OPHN1: variants seen among roughly 807,000 people sequenced by gnomAD.
The protein encoded by OPHN1 is oligophrenin 1, also known as oligophrenin-1.
In OPHN1, 11 loss-of-function variants were observed where a neutral mutation model predicts 60.7. The ratio of observed to expected loss-of-function variants is 0.18; its 90% CI spans 0.11 to 0.30. OPHN1 has a LOEUF of 0.30. Ranked by LOEUF, OPHN1 falls within the 10% of genes least tolerant of loss-of-function variation. The pLI is 1.00. For missense variants in OPHN1, 449 were observed against 611.0 expected (o/e 0.73, Z 2.80); for synonymous variants, 226 against 222.6 (o/e 1.02, Z -0.14).
At chrX:68,306,664 C>T (rs779345117) in intron 2 of OPHN1, among the ~76,000 whole-genome samples, 28 of 112,096 alleles carry the variant, frequency 2.5e-4, no homozygotes, top group Non-Finnish European at 5.3e-4. Context: ...TTTTTAATTT[C>T]TAAAGGTCTA....
intron 2 of OPHN1, among the ~76,000 whole-genome samples, chrX:68,355,129 A>G (rs1415973339): frequency 8.9e-6 from 1 of 112,283 alleles, no homozygotes; most frequent in Non-Finnish European, 1.9e-5. Context: ...CAAGAGTTTT[A>G]CATTTTACAT....
chrX:68,291,921 G>A (rs1397174755), intron 3 of OPHN1, among the ~76,000 whole-genome samples: 3 of 110,911 alleles, frequency 2.7e-5, no homozygotes, highest in Admixed American at 1.9e-4. Flanking sequence ...TTGTTTTATC[G>A]TCTGAGTTGC....
chrX:68,263,460 A>G (rs1018970510), intron 5 of OPHN1, among the ~76,000 whole-genome samples: 1 of 111,952 alleles, frequency 8.9e-6, no homozygotes, highest in Non-Finnish European at 1.9e-5. Context: ...TTCATGGAGC[A>G]CTTTCTATCC....
intron 5 of OPHN1, among the ~76,000 whole-genome samples, chrX:68,234,911 T>A (rs1003125347): frequency 2.7e-5 from 3 of 112,309 alleles, no homozygotes; most frequent in African/African-American, 9.7e-5. Context: ...ATTTTTCACA[T>A]AGATTAACCA....
In OPHN1 at chrX:68,122,252, G is replaced by A. The variant is rs150348589; in HGVS notation, c.1277-2920C>T. Among the ~76,000 whole-genome samples, 476 of 112,079 alleles carry A rather than the reference G, an allele frequency of 4.2e-3. 3 individuals are homozygous for A. Among genetic ancestry groups the A allele is most frequent in the Middle Eastern group, 9.3e-3 (2 of 216 alleles). On this transcript the variant is annotated intron_variant, in intron 15 of 24. Transcript: ENST00000355520. Reference sequence around the variant, plus strand: ...AGATCTTATTCAACACCATCAAGGTGGTACCGCTACAAATCTGCAAGAACC... The same window carrying A: ...AGATCTTATTCAACACCATCAAGGTAGTACCGCTACAAATCTGCAAGAACC...
rs915936393 is a variant in OPHN1 at position 68,053,579 on chromosome X, T to A, written c.2324+66A>T. ...GCACTGTATACCCTTAATATGGTGA[T>A]CCTGAAAGCATTCCTAGTGGCCTAG... On this transcript the variant is annotated intron_variant, in intron 22 of 24. Coordinates refer to ENST00000355520, the MANE Select transcript of OPHN1 (RefSeq NM_002547.3). The A allele has an allele frequency of 2.7e-6, 3 of 1,093,594 alleles. No homozygotes were observed. The African/African-American group carries it at 5.4e-5, about 20-fold the overall frequency. 90.1% of individuals were successfully genotyped at this position (1,093,594 alleles called of 1,213,427 possible). A position where few individuals can be genotyped will look rare whatever the true frequency, so the allele number is the denominator to read the frequency against.
chrX:68,126,947 G>T (rs768317353), intron 15 of OPHN1, among the ~76,000 whole-genome samples: 14 of 111,762 alleles, frequency 1.3e-4, no homozygotes, highest in Non-Finnish European at 2.3e-4. Context: ...ATTTGTATCT[G>T]GAATTTTTAT....
At chrX:68,383,973 C>G (rs938296767) in intron 2 of OPHN1, among the ~76,000 whole-genome samples, 4 of 111,321 alleles carry the variant, frequency 3.6e-5, no homozygotes, top group Non-Finnish European at 7.5e-5. Context: ...TCACTCTGAC[C>G]TGGGCTAAAT....
intron 15 of OPHN1, among the ~76,000 whole-genome samples, chrX:68,180,344 A>G (rs2077431392): frequency 8.9e-6 from 1 of 111,849 alleles, no homozygotes; most frequent in Admixed American, 9.5e-5. Flanking sequence ...TAATGCTTAA[A>G]ATTTTTTAGG....
At chrX:68,418,198 T>C (rs1602405961) in intron 2 of OPHN1, among the ~76,000 whole-genome samples, 2 of 110,757 alleles carry the variant, frequency 1.8e-5, no homozygotes, top group Non-Finnish European at 3.8e-5. Context: ...CATAAGAAGA[T>C]CCAAAAGACT....
At position 68,308,938 on chromosome X, in the gene OPHN1, C is replaced by T. The variant is rs769688425; in HGVS notation, c.155-9842G>A. On this transcript the variant is annotated intron_variant, in intron 2 of 24. Coordinates refer to ENST00000355520, the MANE Select transcript of OPHN1 (RefSeq NM_002547.3). ...GGGACTACAGCTGTGCGCCATGACA[C>T]CTGGCTATTTATTTTTTTATTTTTT... Among the ~76,000 whole-genome samples the T allele has an allele frequency of 3.1e-3, 339 of 109,370 alleles. 2 individuals are homozygous for T. Among genetic ancestry groups the T allele is most frequent in the African/African-American group, 0.011 (322 of 30,002 alleles). The allele number at this position is 109,370 out of a possible 115,157, so 95.0% of individuals were successfully genotyped here. A position where few individuals can be genotyped will look rare whatever the true frequency, so the allele number is the denominator to read the frequency against.
chrX:68,330,831 C>G (rs955711195), intron 2 of OPHN1, among the ~76,000 whole-genome samples: 1 of 106,775 alleles, frequency 9.4e-6, no homozygotes, highest in African/African-American at 3.4e-5. Context: ...ATATAATATT[C>G]ATAGTATCTA....
intron 5 of OPHN1, among the ~76,000 whole-genome samples, chrX:68,257,039 A>G (rs1361744432): frequency 9.1e-6 from 1 of 110,006 alleles, no homozygotes; most frequent in Non-Finnish European, 1.9e-5. Flanking sequence ...CTCAAAAAAA[A>G]TTAAAAAAAA....
chrX:68,259,096 G>A (rs2147562031), intron 5 of OPHN1, among the ~76,000 whole-genome samples: 1 of 111,322 alleles, frequency 9.0e-6, no homozygotes, highest in East Asian at 2.8e-4. Flanking sequence ...AAGGAGACAT[G>A]TAAATCACTG....
chrX:68,159,761 G>C (rs1354782557), intron 15 of OPHN1, among the ~76,000 whole-genome samples: 1 of 111,063 alleles, frequency 9.0e-6, no homozygotes, highest in African/African-American at 3.3e-5. Context: ...TTAAGTCCTA[G>C]AGCAACAATT....
intron 19 of OPHN1, among the ~76,000 whole-genome samples, chrX:68,078,819 C>T (rs2076963282): frequency 9.1e-6 from 1 of 109,466 alleles, no homozygotes; most frequent in Admixed American, 9.8e-5. Flanking sequence ...AACCCTAGCT[C>T]TATTAATAGT....
At chrX:68,118,373 G>A (rs762275192) in intron 16 of OPHN1, among the ~76,000 whole-genome samples, 1 of 111,982 alleles carries the variant, frequency 8.9e-6, no homozygotes, top group African/African-American at 3.2e-5. Flanking sequence ...AGCAGATGCA[G>A]GAGAAATATT....
At chrX:68,192,857 G>A in intron 15 of OPHN1, 62 bp downstream of exon 15, 1 of 897,754 alleles carries the variant, frequency 1.1e-6, no homozygotes, top group South Asian at 2.0e-5. Flanking sequence ...TTCTCTTCCA[G>A]TCACATTTCT....
intron 15 of OPHN1, among the ~76,000 whole-genome samples, chrX:68,171,680 G>A (rs1458146004): frequency 9.1e-6 from 1 of 110,136 alleles, no homozygotes; most frequent in African/African-American, 3.3e-5. Flanking sequence ...AGGCTGCAGT[G>A]AGCCAAGATC....
Sources: allele counts gnomAD v4.1 joint callset (sites outside exome capture counted in the v4.1 genomes callset), GRCh38; gene constraint gnomAD v4.1.1; transcripts MANE v1.5; gene names NCBI Gene and HGNC (gene_info 2026-07-23, HGNC 2026-07-21).